Variants in DPP10 observed in about 807,000 individuals in gnomAD.
DPP10 encodes the protein inactive dipeptidyl peptidase 10.
Under a neutral mutation model 120.9 loss-of-function variants are expected in DPP10, and 33 were observed. The ratio of observed to expected loss-of-function variants is 0.27; its 90% CI spans 0.21 to 0.37. The LOEUF (loss-of-function observed/expected upper bound fraction) is 0.37. Ranked by LOEUF, DPP10 falls within the 10% of genes least tolerant of loss-of-function variation. The probability of loss-of-function intolerance (pLI) is 1.00; values close to 1 mark genes in which losing one functional copy is unlikely to be tolerated. For missense variants in DPP10, 816 were observed against 942.8 expected (o/e 0.87, Z 1.76); for synonymous variants, 337 against 326.1 (o/e 1.03, Z -0.36).
At chr2:114,613,367 C>G (rs780510453) in intron 1 of DPP10, among the ~76,000 whole-genome samples, 1 of 152,148 alleles carries the variant, frequency 6.6e-6, no homozygotes, top group Non-Finnish European at 1.5e-5. Flanking sequence ...TTTCCGTGAA[C>G]TGCCAGGACA....
chr2:115,560,069 A>G (rs1041244400), intron 5 of DPP10, among the ~76,000 whole-genome samples: 1 of 151,754 alleles, frequency 6.6e-6, no homozygotes, highest in Non-Finnish European at 1.5e-5. Flanking sequence ...CGTTCAAAGA[A>G]CTAACTGCTG....
intron 1 of DPP10, among the ~76,000 whole-genome samples, chr2:114,932,578 T>C (rs946686059): frequency 1.3e-5 from 2 of 152,192 alleles, no homozygotes; most frequent in Non-Finnish European, 2.9e-5. Context: ...GTGATTTTAT[T>C]TATATACAGT....
intron 1 of DPP10, among the ~76,000 whole-genome samples, chr2:114,616,988 C>T (rs547262605): frequency 6.6e-6 from 1 of 152,120 alleles, no homozygotes; most frequent in South Asian, 2.1e-4. Flanking sequence ...CCCAACTCTC[C>T]CTTTACAGGA....
At chr2:114,886,706 C>T (rs1384623731) in intron 1 of DPP10, among the ~76,000 whole-genome samples, 2 of 152,142 alleles carry the variant, frequency 1.3e-5, no homozygotes, top group East Asian at 3.9e-4. Flanking sequence ...ATATTTGCCT[C>T]TGTGTATAAA....
At chr2:114,868,275 A>G (rs186090215) in intron 1 of DPP10, among the ~76,000 whole-genome samples, 156 of 152,246 alleles carry the variant, frequency 1.0e-3, no homozygotes, top group African/African-American at 3.6e-3. Context: ...CATTGCCAGT[A>G]CTCCCATGTT....
intron 1 of DPP10, among the ~76,000 whole-genome samples, chr2:114,919,926 C>T (rs550090851): frequency 4.6e-5 from 7 of 152,304 alleles, no homozygotes; most frequent in Middle Eastern, 3.4e-3. Flanking sequence ...TTTCATATAG[C>T]TAGCATGGAT....
chr2:115,673,652 A>T (rs4488674), intron 5 of DPP10, among the ~76,000 whole-genome samples: 134,641 of 152,174 alleles, frequency 0.88, 61,665 homozygotes, highest in Non-Finnish European at 1. Context: ...TCGGTATGTA[A>T]TTGTTACCTG....
chr2:114,553,129 C>A (rs1688020059), intron 1 of DPP10, among the ~76,000 whole-genome samples: 2 of 152,272 alleles, frequency 1.3e-5, no homozygotes, highest in Admixed American at 1.3e-4. Flanking sequence ...TGTTAATAGG[C>A]TGTTTGGTGG....
intron 17 of DPP10, 128 bp downstream of exon 17, chr2:115,782,527 G>A (rs1045165084): frequency 4.4e-5 from 35 of 797,858 alleles, no homozygotes; most frequent in African/African-American, 6.9e-5. Flanking sequence ...GGAAAGCTGC[G>A]TGTATACCAT....
chr2:114,971,885 G>A (rs539185472), intron 1 of DPP10, among the ~76,000 whole-genome samples: 4 of 151,966 alleles, frequency 2.6e-5, no homozygotes, highest in South Asian at 2.1e-4. Flanking sequence ...CTTCCATGAT[G>A]CACACCTTGC....
intron 1 of DPP10, among the ~76,000 whole-genome samples, chr2:114,493,037 C>G (rs17048436): frequency 1.3e-5 from 2 of 152,044 alleles, no homozygotes; most frequent in Admixed American, 1.3e-4. Flanking sequence ...GAAATTAGAA[C>G]TGAAAACAGT....
chr2:115,172,315 C>T (rs1046527938), intron 1 of DPP10, among the ~76,000 whole-genome samples: 7 of 150,718 alleles, frequency 4.6e-5, no homozygotes, highest in South Asian at 4.2e-4. Flanking sequence ...ACCCGAGAGG[C>T]GGAGCTTGCA....
chr2:114,946,612 G>A lies in DPP10; in HGVS notation c.61-362627G>A, dbSNP rs891796399. Reference sequence around the variant, plus strand: ...AGTGAATTATGTTTTCTGAGTTTTTGTGTAAAACCAATCTTGAATCCTAGC... The same window carrying A: ...AGTGAATTATGTTTTCTGAGTTTTTATGTAAAACCAATCTTGAATCCTAGC... On this transcript the variant is annotated intron_variant, in intron 1 of 25. Coordinates refer to ENST00000410059, the MANE Select transcript of DPP10 (RefSeq NM_020868.6). Among the ~76,000 whole-genome samples the A allele has an allele frequency of 2.0e-4, 31 of 151,974 alleles. 1 individual carries two copies. Among genetic ancestry groups the A allele is most frequent in the Non-Finnish European group, 4.4e-4 (30 of 67,950 alleles).
intron 4 of DPP10, among the ~76,000 whole-genome samples, chr2:115,523,692 A>G (rs1361183147): frequency 6.6e-6 from 1 of 152,090 alleles, no homozygotes; most frequent in African/African-American, 2.4e-5. Flanking sequence ...TGTCACCCCA[A>G]ATTCCCCATA....
intron 2 of DPP10, among the ~76,000 whole-genome samples, chr2:115,324,267 C>G (rs2062222469): frequency 6.6e-6 from 1 of 152,070 alleles, no homozygotes; most frequent in Admixed American, 6.6e-5. Flanking sequence ...CAGAGCGACA[C>G]TCCGTCTCAA....
intron 19 of DPP10, among the ~76,000 whole-genome samples, chr2:115,792,453 A>G (rs977298536): frequency 6.6e-6 from 1 of 152,060 alleles, no homozygotes; most frequent in African/African-American, 2.4e-5. Context: ...CAGAAATAAT[A>G]TAATATTTAA....
intron 1 of DPP10, among the ~76,000 whole-genome samples, chr2:115,120,877 C>A (rs1168817149): frequency 6.6e-6 from 1 of 152,194 alleles, no homozygotes; most frequent in Admixed American, 6.5e-5. Flanking sequence ...ACCAAAAAAT[C>A]TCTTTACCTT....
intron 1 of DPP10, among the ~76,000 whole-genome samples, chr2:114,513,405 C>T (rs1684318094): frequency 6.6e-6 from 1 of 151,292 alleles, no homozygotes; most frequent in Non-Finnish European, 1.5e-5. Flanking sequence ...CCTGTAATCC[C>T]AGCTACTCAG....
intron 1 of DPP10, among the ~76,000 whole-genome samples, chr2:114,816,866 T>G (rs1161549713): frequency 1.3e-5 from 2 of 152,208 alleles, no homozygotes. Flanking sequence ...CTGCAAACTA[T>G]GAGCCTTCCA....
Sources: allele counts gnomAD v4.1 joint callset (sites outside exome capture counted in the v4.1 genomes callset), GRCh38; gene constraint gnomAD v4.1.1; transcripts MANE v1.5; gene names NCBI Gene and HGNC (gene_info 2026-07-23, HGNC 2026-07-21).